The following PLCL1 variants were observed in gnomAD, a reference collection of about 807,000 sequenced individuals.
PLCL1 encodes the protein inactive phospholipase C-like protein 1.
In PLCL1, 41 loss-of-function variants were observed where a neutral mutation model predicts 84.4. The observed-to-expected ratio is 0.49, with a 90% CI of 0.38 to 0.63. PLCL1 has a LOEUF of 0.63. PLCL1 is among the 30% of genes least tolerant of loss of function. PLCL1 has a pLI of 0.00. For missense variants in PLCL1, 1,206 were observed against 1,367.8 expected (o/e 0.88, Z 1.87); for synonymous variants, 490 against 488.3 (o/e 1.00, Z -0.05).
chr2:197,899,338 C>A (rs1453197818), intron 1 of PLCL1, among the ~76,000 whole-genome samples: 1 of 151,832 alleles, frequency 6.6e-6, no homozygotes, highest in Non-Finnish European at 1.5e-5. Context: ...AAGTCATTTT[C>A]ACATCTAGGA....
rs141805423 is a variant in PLCL1, at chr2:198,024,303, G to A, written c.241-59455G>A. Among the ~76,000 whole-genome samples the A allele has an allele frequency of 4.5e-3, 683 of 152,120 alleles. 5 individuals are homozygous for A. Among genetic ancestry groups the A allele is most frequent in the African/African-American group, 0.016 (651 of 41,478 alleles). On this transcript the variant is annotated intron_variant, in intron 1 of 5. Coordinates refer to ENST00000428675, the MANE Select transcript of PLCL1 (RefSeq NM_006226.4). ...AGGAGAAATACCTAATGTGGATGAC[G>A]GGTTGATGGGTGCAGCTAGCCACCA...
At chr2:198,141,502 C>T (rs1458465290) in intron 5 of PLCL1, among the ~76,000 whole-genome samples, 1 of 144,618 alleles carries the variant, frequency 6.9e-6, no homozygotes, top group African/African-American at 2.6e-5. Context: ...AAAAGTCTAA[C>T]ATGACATCAA....
intron 1 of PLCL1, among the ~76,000 whole-genome samples, chr2:197,868,206 C>T (rs1687583898): frequency 6.6e-6 from 1 of 152,156 alleles, no homozygotes; most frequent in Admixed American, 6.5e-5. Context: ...TTACTTCTAG[C>T]TAAAGAAGTG....
At chr2:197,983,600 G>A (rs964670717) in intron 1 of PLCL1, among the ~76,000 whole-genome samples, 6 of 152,140 alleles carry the variant, frequency 3.9e-5, no homozygotes, top group Admixed American at 6.5e-5. Context: ...TGGAATTTAT[G>A]TTAGTTGTTG....
intron 1 of PLCL1, among the ~76,000 whole-genome samples, chr2:197,855,741 G>A (rs1687320531): frequency 6.6e-6 from 1 of 152,202 alleles, no homozygotes; most frequent in Non-Finnish European, 1.5e-5. Context: ...ACTTGGGTTA[G>A]TCTTTGTGCC....
intron 1 of PLCL1, among the ~76,000 whole-genome samples, chr2:198,061,166 G>A (rs181050378): frequency 6.6e-6 from 1 of 152,314 alleles, no homozygotes; most frequent in Non-Finnish European, 1.5e-5. Context: ...TAGGAACTCA[G>A]TGTGTGGGAG....
intron 1 of PLCL1, among the ~76,000 whole-genome samples, chr2:197,816,979 A>C (rs1690702517): frequency 6.6e-6 from 1 of 152,270 alleles, no homozygotes; most frequent in East Asian, 1.9e-4. Flanking sequence ...TATTGTGTTA[A>C]AGGTAATGAA....
At position 197,804,983 on chromosome 2, in the gene PLCL1, G is replaced by A. The variant is rs1056213989; in HGVS notation, c.-117G>A. 3 of 1,252,878 alleles carry A rather than the reference G, an allele frequency of 2.4e-6. No homozygotes were observed. The highest frequency in any genetic ancestry group is 2.1e-6 in the Non-Finnish European group (2 of 946,068). 77.6% of individuals were successfully genotyped at this position (1,252,878 alleles called of 1,614,324 possible). ...GCCGCCGCCACTGCCGCCGCTGGGCGGTGAAACAAAGTCTGGCGGGGCCGC... is the reference window on the plus strand; with the variant it reads ...GCCGCCGCCACTGCCGCCGCTGGGCAGTGAAACAAAGTCTGGCGGGGCCGC... On this transcript the variant is annotated 5_prime_UTR_variant, in exon 1 of 6. Transcript: ENST00000428675.
At chr2:197,942,915 T>C (rs1689189144) in intron 1 of PLCL1, among the ~76,000 whole-genome samples, 1 of 152,126 alleles carries the variant, frequency 6.6e-6, no homozygotes, top group African/African-American at 2.4e-5. Flanking sequence ...CCCCTTATAA[T>C]AGAATATCAA....
chr2:197,804,886 C>T lies in PLCL1; in HGVS notation c.-214C>T. 1 of 501,950 alleles carries T rather than the reference C, an allele frequency of 2.0e-6. No homozygotes were observed. The highest frequency in any genetic ancestry group is 3.7e-5 in the East Asian group (1 of 27,194). 31.1% of individuals were successfully genotyped at this position (501,950 alleles called of 1,614,324 possible). A position where few individuals can be genotyped will look rare whatever the true frequency, so the allele number is the denominator to read the frequency against. The stretch of plus-strand genomic sequence containing the variant: ...CCGTCCCCCGCCGGACTGCTAGCCT[C>T]CTAGACCGAAGCCCGAGGACGTCTC... On this transcript the variant is annotated 5_prime_UTR_variant, in exon 1 of 6. Transcript: ENST00000428675.
intron 1 of PLCL1, among the ~76,000 whole-genome samples, chr2:198,021,985 A>G (rs555063839): frequency 1.3e-5 from 2 of 152,348 alleles, no homozygotes; most frequent in East Asian, 3.9e-4. Context: ...AAAATCCTCA[A>G]TAAAATACTG....
At chr2:197,998,834 T>G (rs1255071279) in intron 1 of PLCL1, among the ~76,000 whole-genome samples, 1 of 152,184 alleles carries the variant, frequency 6.6e-6, no homozygotes, top group Non-Finnish European at 1.5e-5. Flanking sequence ...TCTTACGATC[T>G]TGATCAAACA....
At chr2:198,072,704 A>T (rs982712854) in intron 1 of PLCL1, among the ~76,000 whole-genome samples, 4 of 151,944 alleles carry the variant, frequency 2.6e-5, no homozygotes, top group Non-Finnish European at 4.4e-5. Flanking sequence ...GTATTTTGTC[A>T]GATGTCTTTG....
chr2:197,971,566 A>G (rs1349771413), intron 1 of PLCL1, among the ~76,000 whole-genome samples: 2 of 152,222 alleles, frequency 1.3e-5, no homozygotes, highest in Non-Finnish European at 2.9e-5. Flanking sequence ...GGGAAGATAG[A>G]TACTCTCATC....
At position 197,805,379 on chromosome 2, in the gene PLCL1, T is replaced by A. The variant is rs1428354855; in HGVS notation, c.240+40T>A. On this transcript the variant is annotated intron_variant, in intron 1 of 5. Coordinates refer to ENST00000428675, the MANE Select transcript of PLCL1 (RefSeq NM_006226.4). The surrounding 1 kb of genome is among the most constrained non-coding windows in gnomAD (Gnocchi z 4.0). ...GCCGCACCGGGAGCGTGGCTGTGGG[T>A]GATGGGTGGGTCAGGGACCCGGGCA... The A allele has an allele frequency of 1.5e-6, 2 of 1,327,602 alleles. No homozygotes were observed. Among genetic ancestry groups the A allele is most frequent in the Admixed American group, 7.6e-5 (2 of 26,432 alleles). The allele number at this position is 1,327,602 out of a possible 1,614,324, so 82.2% of individuals were successfully genotyped here. A position where few individuals can be genotyped will look rare whatever the true frequency, so the allele number is the denominator to read the frequency against.
chr2:198,020,827 T>A (rs865918929), intron 1 of PLCL1, among the ~76,000 whole-genome samples: 1 of 152,058 alleles, frequency 6.6e-6, no homozygotes, highest in Non-Finnish European at 1.5e-5. Context: ...CTGCCAATAT[T>A]CAACTGATCA....
rs1229801790 is a variant in PLCL1 at position 197,923,258 on chromosome 2, AC to A, written c.240+117927del. 7.6e-3 allele frequency among the ~76,000 whole-genome samples: 842 copies of A among 110,820 alleles called. 4 individuals are homozygous for A. Among genetic ancestry groups the A allele is most frequent in the African/African-American group, 0.028 (775 of 28,062 alleles). 72.7% of individuals were successfully genotyped at this position (110,820 alleles called of 152,430 possible). A position where few individuals can be genotyped will look rare whatever the true frequency, so the allele number is the denominator to read the frequency against. The stretch of plus-strand genomic sequence containing the variant: ...GGGCGGCTGGCCGGGCGGGGGGCTG[AC>A]CCCCCCCACCTCCCTCCCGGACGGG... On this transcript the variant is annotated intron_variant, in intron 1 of 5. Transcript: ENST00000428675.
intron 1 of PLCL1, among the ~76,000 whole-genome samples, chr2:197,808,891 A>G (rs1005529004): frequency 1.3e-4 from 20 of 152,186 alleles, no homozygotes; most frequent in African/African-American, 4.8e-4. Flanking sequence ...CTAGGCAAGG[A>G]AGAATAGAAA....
chr2:198,094,558 G>A (rs1693143888), intron 3 of PLCL1, among the ~76,000 whole-genome samples: 2 of 152,010 alleles, frequency 1.3e-5, no homozygotes, highest in Non-Finnish European at 2.9e-5. Flanking sequence ...CTGCTTCCTG[G>A]GACTTGAAAT....
Sources: allele counts gnomAD v4.1 joint callset (sites outside exome capture counted in the v4.1 genomes callset), GRCh38; gene constraint gnomAD v4.1.1; non-coding constraint Gnocchi (gnomAD v3.1); transcripts MANE v1.5; gene names NCBI Gene and HGNC (gene_info 2026-07-23, HGNC 2026-07-21).